Variants in UTRN observed in about 807,000 individuals in gnomAD.
UTRN encodes dystrophin-related protein 1.
A neutral mutation model predicts 463.9 loss-of-function variants in UTRN; 283 were observed. The observed-to-expected ratio is 0.61, with a 90% confidence interval of 0.55 to 0.67. The LOEUF (loss-of-function observed/expected upper bound fraction) is 0.67, where lower values mean the gene tolerates loss of function less well. Ranked by LOEUF, UTRN falls within the 30% of genes least tolerant of loss-of-function variation. The pLI, the probability that UTRN is intolerant of heterozygous loss-of-function variation, is 0.00. For synonymous variants in UTRN, 1,442 were observed against 1,431.5 expected, an observed-to-expected ratio of 1.01 and a Z score of -0.17; for missense variants, 3,922 against 4,084.3, an observed-to-expected ratio of 0.96 and a Z score of 1.08.
At chr6:144,322,356 G>A (rs1048065007) in intron 2 of UTRN, among the ~76,000 whole-genome samples, 1 of 152,150 alleles carries the variant, frequency 6.6e-6, no homozygotes, top group African/African-American at 2.4e-5. Flanking sequence ...CACCTGGTGA[G>A]CATTCACTGA....
intron 69 of UTRN, among the ~76,000 whole-genome samples, chr6:144,835,215 CAG>C (rs1380264433): frequency 6.6e-6 from 1 of 152,188 alleles, no homozygotes; most frequent in Non-Finnish European, 1.5e-5. Flanking sequence ...TGTTCTAATG[CAG>C]AGTGATCAAC....
chr6:144,699,459 A>G (rs1179909691), intron 52 of UTRN, among the ~76,000 whole-genome samples: 2 of 143,220 alleles, frequency 1.4e-5, no homozygotes, highest in Non-Finnish European at 3.0e-5. Flanking sequence ...AATAATAATA[A>G]TAATTAGTCA....
chr6:144,441,367 A>G (rs1787141562), intron 13 of UTRN, among the ~76,000 whole-genome samples: 1 of 152,204 alleles, frequency 6.6e-6, no homozygotes, highest in Non-Finnish European at 1.5e-5. Context: ...GGCCAAAACA[A>G]AAGGGCTACA....
intron 73 of UTRN, among the ~76,000 whole-genome samples, chr6:144,846,333 A>G (rs528845721): frequency 2.6e-5 from 4 of 152,312 alleles, no homozygotes; most frequent in Non-Finnish European, 4.4e-5. Flanking sequence ...CCTTGATGCA[A>G]GTACTTGGCC....
chr6:144,652,151 A>G (rs1404704775), intron 51 of UTRN, among the ~76,000 whole-genome samples: 2 of 152,222 alleles, frequency 1.3e-5, no homozygotes, highest in African/African-American at 4.8e-5. Context: ...AAGACATTGC[A>G]AAGTCCCTTC....
intron 2 of UTRN, among the ~76,000 whole-genome samples, chr6:144,293,894 ATGTGTGTGTG>A (rs57561876): frequency 6.7e-6 from 1 of 148,546 alleles, no homozygotes; most frequent in South Asian, 2.1e-4. Flanking sequence ...GATGTGTGTG[ATGTGTGTGTG>A]TGTGTGTGTG....
chr6:144,460,558 C>A (rs1475699417), intron 21 of UTRN, among the ~76,000 whole-genome samples: 1 of 152,220 alleles, frequency 6.6e-6, no homozygotes, highest in East Asian at 1.9e-4. Flanking sequence ...CTTATTGGTA[C>A]AAGCTGTGCT....
chr6:144,819,222 C>T (rs1030543697), intron 65 of UTRN, among the ~76,000 whole-genome samples: 10 of 152,094 alleles, frequency 6.6e-5, no homozygotes, highest in African/African-American at 1.2e-4. Flanking sequence ...TAAGTAGCTG[C>T]GGCTTAATCA....
chr6:144,444,238 T>C (rs758584804), intron 13 of UTRN, 43 bp from the exon 14 acceptor site: 1 of 1,491,636 alleles, frequency 6.7e-7, no homozygotes, highest in African/African-American at 1.4e-5. Context: ...GATAACTCTC[T>C]CTTAAGGCTG....
At chr6:144,730,632 T>C in intron 54 of UTRN, 146 bp downstream of exon 54, 1 of 1,016,906 alleles carries the variant, frequency 9.8e-7, no homozygotes, top group Non-Finnish European at 1.3e-6. Context: ...AATATGTCAT[T>C]AATTCACAGA....
At chr6:144,290,908 G>A (rs1562708600) in intron 1 of UTRN, among the ~76,000 whole-genome samples, 2 of 150,974 alleles carry the variant, frequency 1.3e-5, no homozygotes, top group Non-Finnish European at 3.0e-5. Flanking sequence ...GGGATTACAG[G>A]TGCACACCAC....
At chr6:144,814,655 A>C (rs1586684095) in intron 65 of UTRN, among the ~76,000 whole-genome samples, 1 of 152,364 alleles carries the variant, frequency 6.6e-6, no homozygotes, top group Middle Eastern at 3.4e-3. Context: ...AAAGCATGCC[A>C]GTGTAACTAC....
chr6:144,451,654 T>C (rs1788317278), intron 18 of UTRN, among the ~76,000 whole-genome samples, 161 bp downstream of exon 18: 1 of 151,696 alleles, frequency 6.6e-6, no homozygotes, highest in Non-Finnish European at 1.5e-5. Context: ...AATCCATTCA[T>C]GCTAGCTGTC....
intron 33 of UTRN, among the ~76,000 whole-genome samples, chr6:144,495,950 A>C (rs540658815): frequency 1.3e-5 from 2 of 152,344 alleles, no homozygotes; most frequent in African/African-American, 2.4e-5. Context: ...TAAATTGAAC[A>C]GTCTACCGAG....
chr6:144,660,068 G>A, intron 51 of UTRN: 2 of 365,704 alleles, frequency 5.5e-6, no homozygotes, highest in East Asian at 7.4e-5. Flanking sequence ...GCAAGCTGCC[G>A]CTGCTGCTGA....
At chr6:144,374,911 A>G (rs1330740301) in intron 2 of UTRN, among the ~76,000 whole-genome samples, 1 of 147,758 alleles carries the variant, frequency 6.8e-6, no homozygotes, top group African/African-American at 2.5e-5. Flanking sequence ...GTGCCTCTGC[A>G]CTCCAGCCTG....
At chr6:144,715,174 T>C (rs1562806295) in intron 53 of UTRN, among the ~76,000 whole-genome samples, 1 of 152,190 alleles carries the variant, frequency 6.6e-6, no homozygotes. Flanking sequence ...TTGGCCCCTA[T>C]AACATGTTCT....
intron 12 of UTRN, 59 bp from the exon 13 acceptor site, chr6:144,440,293 G>T: frequency 6.3e-7 from 1 of 1,588,710 alleles, no homozygotes. Flanking sequence ...AACTGAGTGC[G>T]TTTTAAATAG....
chr6:144,320,411 A>G (rs1457162277), intron 2 of UTRN, among the ~76,000 whole-genome samples: 4 of 152,088 alleles, frequency 2.6e-5, no homozygotes, highest in Non-Finnish European at 4.4e-5. Context: ...CCGTCTCCCA[A>G]TCCAGGTTAC....
Sources: allele counts gnomAD v4.1 joint callset (sites outside exome capture counted in the v4.1 genomes callset), GRCh38; gene constraint gnomAD v4.1.1; transcripts MANE v1.5; gene names NCBI Gene and HGNC (gene_info 2026-07-23, HGNC 2026-07-21).